PDE10A: variants seen among roughly 807,000 people sequenced by gnomAD.
PDE10A encodes cAMP and cAMP-inhibited cGMP 3',5'-cyclic phosphodiesterase 10A.
In PDE10A, 39 loss-of-function variants were observed where a neutral mutation model predicts 97.7. The observed-to-expected ratio is 0.40, with a 90% CI of 0.31 to 0.52. PDE10A has a LOEUF of 0.52. Ranked by LOEUF, PDE10A falls within the 20% of genes least tolerant of loss-of-function variation. PDE10A has a pLI of 0.56. For synonymous variants in PDE10A, 371 were observed against 376.8 expected (o/e 0.98, Z 0.18); for missense variants, 731 against 1,047.8 (o/e 0.70, Z 4.17).
intron 2 of PDE10A, among the ~76,000 whole-genome samples, chr6:165,500,040 A>T (rs1780772069): frequency 6.6e-6 from 1 of 152,204 alleles, no homozygotes; most frequent in Non-Finnish European, 1.5e-5. Context: ...ACAAGGCAAG[A>T]GCATCTGATC....
At chr6:165,962,344 G>C (rs901508000) in intron 1 of PDE10A, among the ~76,000 whole-genome samples, 2 of 152,238 alleles carry the variant, frequency 1.3e-5, no homozygotes, top group Non-Finnish European at 2.9e-5. Flanking sequence ...ACCCAAAGGT[G>C]AGTGGCTCCG....
chr6:165,480,158 T>C lies in PDE10A; in HGVS notation c.1023+2157A>G, dbSNP rs182380543. 1.1e-3 allele frequency among the ~76,000 whole-genome samples: 166 copies of C among 152,322 alleles called. 5 individuals are homozygous for C. The East Asian group carries it at 0.026, about 24-fold the overall frequency. On this transcript the variant is annotated intron_variant, in intron 3 of 21. Transcript: ENST00000539869. ...GGAAAATAAAGTTTAGAAACTAAGA[T>C]GTTTTACTAGAAAAGACATAACATA...
chr6:165,385,289 A>C (rs1215723077), intron 17 of PDE10A, among the ~76,000 whole-genome samples: 7 of 152,078 alleles, frequency 4.6e-5, no homozygotes, highest in Non-Finnish European at 8.8e-5. Context: ...CAGAGATATA[A>C]AATACAAAAG....
At chr6:165,888,795 T>A (rs756640981) in intron 1 of PDE10A, among the ~76,000 whole-genome samples, 7 of 152,166 alleles carry the variant, frequency 4.6e-5, no homozygotes, top group Non-Finnish European at 1.0e-4. Context: ...CCAACACACA[T>A]TTAATTAGAG....
chr6:165,870,610 T>C (rs1387892329), intron 1 of PDE10A, among the ~76,000 whole-genome samples: 1 of 152,166 alleles, frequency 6.6e-6, no homozygotes, highest in Non-Finnish European at 1.5e-5. Flanking sequence ...TGGGTATTTA[T>C]CCGAAGGAAA....
Position 165,336,175 on chromosome 6 carries a change from T to C in PDE10A, c.3013A>G (p.Thr1005Ala). ...GGAGGGAGGATCTGGGTAAGGGTTGTATAGCAGGGAATGGCCACGGCATTG... is the reference window on the plus strand; with the variant it reads ...GGAGGGAGGATCTGGGTAAGGGTTGCATAGCAGGGAATGGCCACGGCATTG... Reference protein sequence around the residue: ...FYNAVAIPCYTTLTQILPPTE... With the variant: ...FYNAVAIPCYATLTQILPPTE... The change falls in exon 21 of 22, where the codon ACA (threonine) becomes GCA (alanine). Residue 1005 changes from threonine (T) to alanine (A), a missense_variant. Around this residue, in one of 8 missense-constraint regions of PDE10A, gnomAD observed 96 missense variants for 156.7 expected, o/e 0.61. Coordinates refer to ENST00000539869, the MANE Select transcript of PDE10A (RefSeq NM_001385079.1). The C allele has an allele frequency of 1.2e-6, 2 of 1,614,042 alleles. No homozygotes were observed. The highest frequency in any genetic ancestry group is 1.7e-6 in the Non-Finnish European group (2 of 1,179,984).
At chr6:165,407,249 AG>A (rs1487243964) in intron 13 of PDE10A, among the ~76,000 whole-genome samples, 2 of 152,186 alleles carry the variant, frequency 1.3e-5, no homozygotes, top group African/African-American at 4.8e-5. Flanking sequence ...TTAGGACCTT[AG>A]GGAAGAACGA....
intron 10 of PDE10A, among the ~76,000 whole-genome samples, chr6:165,425,770 C>CGTGTGTGTGTGTGTGTGTGT (rs57229720): frequency 1.4e-5 from 2 of 144,036 alleles, no homozygotes; most frequent in African/African-American, 5.2e-5. Context: ...AAGGCATGAT[C>CGTGTGTGTGTGTGTGTGTGT]GTGTGTGTGT....
chr6:165,936,078 G>A (rs1278403358), intron 1 of PDE10A, among the ~76,000 whole-genome samples: 1 of 152,242 alleles, frequency 6.6e-6, no homozygotes, highest in Non-Finnish European at 1.5e-5. Context: ...AAAGTTGGAT[G>A]ATGGTAATAA....
intron 2 of PDE10A, among the ~76,000 whole-genome samples, chr6:165,504,151 A>G (rs1781058432): frequency 6.6e-6 from 1 of 152,206 alleles, no homozygotes; most frequent in South Asian, 2.1e-4. Context: ...AAGTAGAGAT[A>G]GGTAAAACAG....
At chr6:165,897,447 G>T (rs1308869696) in intron 1 of PDE10A, among the ~76,000 whole-genome samples, 1 of 152,088 alleles carries the variant, frequency 6.6e-6, no homozygotes, top group Non-Finnish European at 1.5e-5. Flanking sequence ...GAGGGTCCCA[G>T]GGAGGAGAAT....
chr6:165,384,703 G>T (rs1785176432), intron 17 of PDE10A, among the ~76,000 whole-genome samples: 1 of 148,846 alleles, frequency 6.7e-6, no homozygotes, highest in Non-Finnish European at 1.5e-5. Flanking sequence ...AGCTTTTCAA[G>T]TCTATTGTAT....
At position 165,336,161 on chromosome 6, in the gene PDE10A, C is replaced by T; in HGVS notation, c.3027G>A (p.Gln1009=). ...GAAGAGGCTCCGTGGGAGGGAGGAT[C>T]TGGGTAAGGGTTGTATAGCAGGGAA... ...VAIPCYTTLT[Q]ILPPTEPLLK... is the part of the protein sequence containing the mutation. The change falls in exon 21 of 22, where the codon CAG becomes CAA. Residue 1009 remains glutamine, a synonymous_variant. Transcript: ENST00000539869. 6.2e-7 allele frequency: 1 copy of T among 1,613,986 alleles called. No homozygotes were observed. The highest frequency in any genetic ancestry group is 1.1e-5 in the South Asian group (1 of 91,068).
intron 1 of PDE10A, among the ~76,000 whole-genome samples, chr6:165,964,242 G>A (rs1016615560): frequency 6.6e-6 from 1 of 152,180 alleles, no homozygotes; most frequent in Non-Finnish European, 1.5e-5. Flanking sequence ...CCAAGCAGCT[G>A]CAGCTTAGCA....
intron 2 of PDE10A, among the ~76,000 whole-genome samples, chr6:165,494,484 C>A: frequency 6.8e-6 from 1 of 147,258 alleles, no homozygotes; most frequent in Non-Finnish European, 1.5e-5. Flanking sequence ...GTGTAATACA[C>A]ACAACAAACA....
At chr6:165,816,628 T>C (rs1779420908) in intron 1 of PDE10A, among the ~76,000 whole-genome samples, 1 of 152,258 alleles carries the variant, frequency 6.6e-6, no homozygotes, top group Non-Finnish European at 1.5e-5. Flanking sequence ...GCCTGGCAAA[T>C]ATTAAGCACT....
chr6:165,977,287 C>T (rs570653750), intron 1 of PDE10A, among the ~76,000 whole-genome samples: 17 of 152,312 alleles, frequency 1.1e-4, no homozygotes, highest in Admixed American at 5.2e-4. Flanking sequence ...GCTGAACTTA[C>T]GGACTTTCCT....
intron 1 of PDE10A, among the ~76,000 whole-genome samples, chr6:165,550,451 A>G (rs1384699459): frequency 1.3e-5 from 2 of 152,190 alleles, no homozygotes; most frequent in African/African-American, 4.8e-5. Context: ...GAATACCACC[A>G]TTTCATGCTA....
rs532866246 is a variant in PDE10A at position 165,487,950 on chromosome 6, TAA to T, written c.995-5609_995-5608del. The stretch of plus-strand genomic sequence containing the variant: ...ATCAGCAATGAAGCTCTCTTTGAAA[TAA>T]AAAGTTAGAGGAACATGGAAAAGAA... On this transcript the variant is annotated intron_variant, in intron 2 of 21. Coordinates refer to ENST00000539869, the MANE Select transcript of PDE10A (RefSeq NM_001385079.1). Among the ~76,000 whole-genome samples the T allele has an allele frequency of 2.6e-3, 270 of 101,918 alleles. 2 individuals are homozygous for T. The highest frequency in any genetic ancestry group is 0.01 in the African/African-American group (266 of 26,440). 66.9% of individuals were successfully genotyped at this position (101,918 alleles called of 152,430 possible). A position where few individuals can be genotyped will look rare whatever the true frequency, so the allele number is the denominator to read the frequency against.
Sources: gnomAD v4.1 joint callset for allele counts (sites outside exome capture counted in the v4.1 genomes callset) on GRCh38, gnomAD v4.1.1 for gene constraint, gnomAD v4.1.1 regional missense constraint, MANE v1.5 for transcripts, NCBI Gene and HGNC (gene_info 2026-07-23, HGNC 2026-07-21) for gene names.